DYNC2I1: variants seen among roughly 807,000 people sequenced by gnomAD.
The protein encoded by DYNC2I1 is cytoplasmic dynein 2 intermediate chain 1.
In DYNC2I1, 89 loss-of-function variants were observed where a neutral mutation model predicts 133.4. The ratio of observed to expected loss-of-function variants is 0.67; its 90% CI spans 0.56 to 0.80. The LOEUF (loss-of-function observed/expected upper bound fraction) is 0.80. Ranked by LOEUF, DYNC2I1 falls within the 30% of genes least tolerant of loss-of-function variation. The pLI, the probability that DYNC2I1 is intolerant of heterozygous loss-of-function variation, is 0.00. For synonymous variants in DYNC2I1, 504 were observed against 484.3 expected, an observed-to-expected ratio of 1.04 and a Z score of -0.54; for missense variants, 1,291 against 1,314.5, an observed-to-expected ratio of 0.98 and a Z score of 0.28.
chr7:158,859,110 C>G (rs2129475748), intron 1 of DYNC2I1, among the ~76,000 whole-genome samples: 1 of 149,048 alleles, frequency 6.7e-6, no homozygotes, highest in South Asian at 2.2e-4. Context: ...ACGCTCTTGC[C>G]TTGGCTTCCC....
At chr7:158,865,904 C>T (rs1160293003) in intron 1 of DYNC2I1, among the ~76,000 whole-genome samples, 1 of 152,094 alleles carries the variant, frequency 6.6e-6, no homozygotes, top group Non-Finnish European at 1.5e-5. Context: ...AGGGAGACAG[C>T]ATGGATAGAA....
chr7:158,915,310 G>A (rs368532823), intron 14 of DYNC2I1, among the ~76,000 whole-genome samples: 6 of 121,734 alleles, frequency 4.9e-5, no homozygotes, highest in South Asian at 2.8e-4. Context: ...GTGAAACCTG[G>A]ACACGCTGGT....
rs34258873 is a variant in DYNC2I1, at chr7:158,937,397, C to T, written c.2778+2848C>T. ...ATCCCAGCACTTTGGGAGGCCGAGGCGGGTGGATCACGAGGTCAGGAGATC... is the reference window on the plus strand; with the variant it reads ...ATCCCAGCACTTTGGGAGGCCGAGGTGGGTGGATCACGAGGTCAGGAGATC... On this transcript the variant is annotated intron_variant, in intron 23 of 24. Transcript: ENST00000407559. Among the ~76,000 whole-genome samples the T allele has an allele frequency of 4.5e-3, 681 of 152,146 alleles. 4 individuals are homozygous for T. The highest frequency in any genetic ancestry group is 8.1e-3 in the Non-Finnish European group (549 of 68,004).
chr7:158,944,546 C>G (rs1008079141), intron 24 of DYNC2I1, among the ~76,000 whole-genome samples: 1 of 152,178 alleles, frequency 6.6e-6, no homozygotes, highest in Non-Finnish European at 1.5e-5. Context: ...GGTGAAAATC[C>G]GAGTGGCTTG....
At position 158,921,784 on chromosome 7, in the gene DYNC2I1, G is replaced by A. The variant is rs1161519148; in HGVS notation, c.1922-593G>A. Reference sequence around the variant, plus strand: ...AGCGGTGCGGTCCAGTTCTTTGACTGAAGTTCTCGCCAGTCATGGACTTCC... The same window carrying A: ...AGCGGTGCGGTCCAGTTCTTTGACTAAAGTTCTCGCCAGTCATGGACTTCC... On this transcript the variant is annotated intron_variant, in intron 15 of 24. Coordinates refer to ENST00000407559, the MANE Select transcript of DYNC2I1 (RefSeq NM_018051.5). 2.0e-5 allele frequency among the ~76,000 whole-genome samples: 3 copies of A among 152,334 alleles called. No homozygotes were observed. The East Asian group carries it at 5.8e-4, about 29-fold the overall frequency.
At position 158,928,707 on chromosome 7, in the gene DYNC2I1, G is replaced by A. The variant is rs573974359; in HGVS notation, c.2485+1664G>A. 2.0e-5 allele frequency among the ~76,000 whole-genome samples: 3 copies of A among 152,238 alleles called. No individual in the cohort carries two copies. In the East Asian group the frequency reaches 5.8e-4, roughly 29 times the overall value. Reference sequence around the variant, plus strand: ...GTGTCAGAGCTAGGGAGCCTGGGCAGGGGTCCTGGTGCCTCCTTCTCAACG... The same window carrying A: ...GTGTCAGAGCTAGGGAGCCTGGGCAAGGGTCCTGGTGCCTCCTTCTCAACG... On this transcript the variant is annotated intron_variant, in intron 20 of 24. Transcript: ENST00000407559.
chr7:158,922,303 A>G (rs1028724558), intron 15 of DYNC2I1, 74 bp from the exon 16 acceptor site: 1 of 1,468,422 alleles, frequency 6.8e-7, no homozygotes, highest in African/African-American at 1.4e-5. Flanking sequence ...TTTTTTGAGT[A>G]TTCGGAAGTG....
At chr7:158,852,363 G>A (rs915009079), upstream of DYNC2I1, among the ~76,000 whole-genome samples, 4 of 151,600 alleles carry the variant, frequency 2.6e-5, no homozygotes, top group East Asian at 2.0e-4. Context: ...CCTGTGATCC[G>A]CCCGCCTTGG....
rs997503170 is a variant in DYNC2I1 at position 158,945,189 on chromosome 7, C to T, written c.3003-392C>T. 1.3e-5 allele frequency among the ~76,000 whole-genome samples: 2 copies of T among 152,016 alleles called. No individual in the cohort carries two copies. Among genetic ancestry groups the T allele is most frequent in the African/African-American group, 4.8e-5 (2 of 41,398 alleles). On this transcript the variant is annotated intron_variant, in intron 24 of 24. Coordinates refer to ENST00000407559, the MANE Select transcript of DYNC2I1 (RefSeq NM_018051.5). This position sits in a 1 kb window ranked among gnomAD's most constrained non-coding sequence, Gnocchi z 4.1. Reference sequence around the variant, plus strand: ...CTCCAGGGTGAGTCCGGGCTGGAGACGCAGACTTGTGAGTCCTGACACTCA... The same window carrying T: ...CTCCAGGGTGAGTCCGGGCTGGAGATGCAGACTTGTGAGTCCTGACACTCA...
intron 1 of DYNC2I1, among the ~76,000 whole-genome samples, chr7:158,863,036 G>C (rs1246734232): frequency 1.3e-5 from 2 of 149,830 alleles, no homozygotes; most frequent in African/African-American, 4.9e-5. Flanking sequence ...AGAGTGAGCA[G>C]CAGCAAGATT....
intron 8 of DYNC2I1, among the ~76,000 whole-genome samples, chr7:158,893,583 G>A (rs915107074): frequency 3.3e-4 from 51 of 152,244 alleles, no homozygotes; most frequent in African/African-American, 1.1e-3. Flanking sequence ...TCTTGGTCAC[G>A]TGGCTGCCTG....
In DYNC2I1 at chr7:158,945,533, T is replaced by TCAGACA. The variant is rs775633484; in HGVS notation, c.3003-48_3003-47insCAGACA. On this transcript the variant is annotated intron_variant, in intron 24 of 24. Coordinates refer to ENST00000407559, the MANE Select transcript of DYNC2I1 (RefSeq NM_018051.5). This position sits in a 1 kb window ranked among gnomAD's most constrained non-coding sequence, Gnocchi z 4.1. ...TTTTGAAGACTCAGACAGAACCGAA[T>TCAGACA]GTCCCTTTGTGTGCACTGACCCTCT... The TCAGACA allele has an allele frequency of 1.8e-5, 27 of 1,540,762 alleles. No homozygotes were observed. The highest frequency in any genetic ancestry group is 2.3e-5 in the Non-Finnish European group (26 of 1,141,092).
Position 158,918,871 on chromosome 7 carries a change from T to G in DYNC2I1, c.1921+2T>G. On this transcript the variant is annotated splice_donor_variant, in intron 15 of 24. Coordinates refer to ENST00000407559, the MANE Select transcript of DYNC2I1 (RefSeq NM_018051.5). LOFTEE classifies it high-confidence loss of function. ...ACACCAGTCTACCATTCCTTCAAAG[T>G]AAGAGGCTGTTCTCAAATATGATTT... is the stretch of plus-strand genomic sequence containing the variant. 6.2e-7 allele frequency: 1 copy of G among 1,610,442 alleles called. No individual in the cohort carries two copies. Among genetic ancestry groups the G allele is most frequent in the Admixed American group, 1.7e-5 (1 of 59,656 alleles).
chr7:158,886,642 C>T lies in DYNC2I1; in HGVS notation c.936-379C>T, dbSNP rs747099267. ...TTTTTGAGAAAGGGTCTTTCTCTGT[C>T]GCCCAGGCTGTAGTGCAGTGGCACA... On this transcript the variant is annotated intron_variant, in intron 6 of 24. Transcript: ENST00000407559. 3.3e-5 allele frequency among the ~76,000 whole-genome samples: 5 copies of T among 152,164 alleles called. No individual in the cohort carries two copies. In the East Asian group the frequency reaches 5.8e-4, roughly 18 times the overall value.
chr7:158,883,015 CAA>C (rs1844200700), intron 5 of DYNC2I1, among the ~76,000 whole-genome samples: 1 of 151,954 alleles, frequency 6.6e-6, no homozygotes, highest in South Asian at 2.1e-4. Context: ...TTTTGATACT[CAA>C]AATTAGTATC....
At chr7:158,913,124 A>ATTGACTCTC in intron 13 of DYNC2I1, 28 bp downstream of exon 13, 1 of 1,487,250 alleles carries the variant, frequency 6.7e-7, no homozygotes, top group Non-Finnish European at 9.3e-7. Flanking sequence ...AGTGTTGACC[A>ATTGACTCTC]TTGACTCTCT....
At chr7:158,867,210 G>C (rs1156370704) in intron 1 of DYNC2I1, among the ~76,000 whole-genome samples, 3 of 152,128 alleles carry the variant, frequency 2.0e-5, no homozygotes, top group African/African-American at 7.2e-5. Flanking sequence ...GGGGTTGTAG[G>C]GTTGTGGGGT....
intron 23 of DYNC2I1, among the ~76,000 whole-genome samples, chr7:158,940,950 C>T (rs923208924): frequency 1.3e-5 from 2 of 151,896 alleles, no homozygotes; most frequent in Non-Finnish European, 2.9e-5. Flanking sequence ...AAACCAAACT[C>T]AAAATTAGTG....
chr7:158,850,350 G>C, the DYNC2I1 span, among the ~76,000 whole-genome samples: 1 of 152,182 alleles, frequency 6.6e-6, no homozygotes, highest in Non-Finnish European at 1.5e-5. Flanking sequence ...GATCCTGCCT[G>C]TTTCTGGCCA....
Sources: allele counts gnomAD v4.1 joint callset (sites outside exome capture counted in the v4.1 genomes callset), GRCh38; gene constraint gnomAD v4.1.1; non-coding constraint Gnocchi (gnomAD v3.1); transcripts MANE v1.5; gene names NCBI Gene and HGNC (gene_info 2026-07-23, HGNC 2026-07-21).